The following PCDH7 variants were observed in gnomAD, a reference collection of about 807,000 sequenced individuals.
PCDH7 encodes the protein protocadherin 7, also known as protocadherin-7.
A neutral mutation model predicts 58.9 loss-of-function variants in PCDH7; 17 were observed. The observed-to-expected ratio is 0.29, with a 90% CI of 0.20 to 0.43. The LOEUF (loss-of-function observed/expected upper bound fraction) is 0.43. PCDH7 is among the 20% of genes least tolerant of loss of function. PCDH7 has a pLI of 1.00. For missense variants in PCDH7, 1,274 were observed against 1,441.0 expected (o/e 0.88, Z 1.88); for synonymous variants, 664 against 616.4 (o/e 1.08, Z -1.14).
exon 2 of PCDH7, chr4:30,731,607 G>T (rs1715516141): frequency 6.6e-6 from 1 of 152,014 alleles, no homozygotes; most frequent in Non-Finnish European, 1.5e-5. Context: ...GAAGGAATAT[G>T]TGGCTTTCTG....
In PCDH7 at chr4:30,721,399, C is replaced by T; in HGVS notation, c.-24C>T. 1.4e-6 allele frequency: 2 copies of T among 1,468,622 alleles called. No individual in the cohort carries two copies. The highest frequency in any genetic ancestry group is 1.8e-6 in the Non-Finnish European group (2 of 1,111,790). The allele number at this position is 1,468,622 out of a possible 1,614,324, so 91.0% of individuals were successfully genotyped here. A position where few individuals can be genotyped will look rare whatever the true frequency, so the allele number is the denominator to read the frequency against. On this transcript the variant is annotated 5_prime_UTR_variant, in exon 1 of 2. Coordinates refer to ENST00000361762, the Ensembl canonical transcript of PCDH7. This position sits in a 1 kb window ranked among gnomAD's most constrained non-coding sequence, Gnocchi z 6.7. ...CCGAGGGGGCTGTGGTTAGAAGGAG[C>T]AGTAGCAGCAGCAGCAGGAGAAGAT...
At chr4:30,773,788 G>A (rs779666486) in intron 1 of PCDH7, among the ~76,000 whole-genome samples, 2 of 152,028 alleles carry the variant, frequency 1.3e-5, no homozygotes, top group Non-Finnish European at 2.9e-5. Context: ...TTCTATTCTG[G>A]GAGGGATTCC....
chr4:30,851,495 G>T (rs1388071934), intron 1 of PCDH7, among the ~76,000 whole-genome samples: 2 of 151,972 alleles, frequency 1.3e-5, no homozygotes, highest in East Asian at 3.9e-4. Flanking sequence ...CTGACTTAGT[G>T]TCAAGCAGGA....
chr4:30,980,679 T>C (rs1750475739), intron 3 of PCDH7, among the ~76,000 whole-genome samples: 1 of 152,224 alleles, frequency 6.6e-6, no homozygotes, highest in Non-Finnish European at 1.5e-5. Context: ...CAAAGGCCTC[T>C]AATATCTACA....
At chr4:30,964,556 T>C (rs1469220071) in intron 3 of PCDH7, among the ~76,000 whole-genome samples, 1 of 151,902 alleles carries the variant, frequency 6.6e-6, no homozygotes, top group Non-Finnish European at 1.5e-5. Context: ...GTTTTATTTA[T>C]TTGGGGACTT....
At chr4:30,785,372 C>A (rs1278432265) in intron 1 of PCDH7, among the ~76,000 whole-genome samples, 1 of 151,944 alleles carries the variant, frequency 6.6e-6, no homozygotes, top group Non-Finnish European at 1.5e-5. Context: ...CTGAAACTTA[C>A]AATTTAAATC....
At position 30,723,309 on chromosome 4, in the gene PCDH7, G is replaced by A. The variant is rs775478303; in HGVS notation, c.1887G>A (p.Val629=). ...GCAGCACTACGGTGATTGTGCAGGT[G>A]GCTGATAAAAATGACAATGACCCTA... The change falls in exon 1 of 2, where the codon GTG becomes GTA. Residue 629 remains valine (V), a synonymous_variant. Transcript: ENST00000361762. This position sits in a 1 kb window ranked among gnomAD's most constrained non-coding sequence, Gnocchi z 4.6. 1.2e-6 allele frequency: 2 copies of A among 1,614,210 alleles called. No homozygotes were observed. Among genetic ancestry groups the A allele is most frequent in the Non-Finnish European group, 8.5e-7 (1 of 1,180,040 alleles).
At chr4:30,944,008 A>T (rs1746373732) in intron 2 of PCDH7, among the ~76,000 whole-genome samples, 1 of 151,796 alleles carries the variant, frequency 6.6e-6, no homozygotes, top group Non-Finnish European at 1.5e-5. Flanking sequence ...CAGGATTATT[A>T]TTTTTTTTAT....
At chr4:30,735,483 G>A (rs779708205), downstream of PCDH7, among the ~76,000 whole-genome samples, 7 of 152,118 alleles carry the variant, frequency 4.6e-5, no homozygotes, top group Non-Finnish European at 7.3e-5. Flanking sequence ...CAGAATTTTC[G>A]AAGGACTCCT....
chr4:31,036,446 C>T (rs1560593154), intron 3 of PCDH7, among the ~76,000 whole-genome samples: 2 of 152,208 alleles, frequency 1.3e-5, no homozygotes, highest in East Asian at 3.9e-4. Flanking sequence ...ACTCGGCCTC[C>T]CACAGTGCTG....
chr4:31,021,855 A>T (rs1290237124), intron 3 of PCDH7, among the ~76,000 whole-genome samples: 2 of 152,186 alleles, frequency 1.3e-5, no homozygotes, highest in Non-Finnish European at 2.9e-5. Context: ...GACAGAAGAA[A>T]ATTCACTGAG....
chr4:30,862,399 C>A (rs1419417532), intron 1 of PCDH7, among the ~76,000 whole-genome samples: 1 of 152,158 alleles, frequency 6.6e-6, no homozygotes, highest in Non-Finnish European at 1.5e-5. Flanking sequence ...TAGCTGTCTA[C>A]ATCCACAATG....
intron 2 of PCDH7, among the ~76,000 whole-genome samples, chr4:30,942,569 G>A (rs1414254685): frequency 6.6e-6 from 1 of 151,960 alleles, no homozygotes; most frequent in Admixed American, 6.6e-5. Flanking sequence ...ATCAAAGATG[G>A]CATGATGATG....
intron 1 of PCDH7, among the ~76,000 whole-genome samples, chr4:30,782,281 A>G (rs1250809808): frequency 6.6e-6 from 1 of 152,136 alleles, no homozygotes; most frequent in African/African-American, 2.4e-5. Context: ...TTTTAAAAAG[A>G]TTTGAACTTG....
At chr4:31,074,105 A>C (rs1758778487) in intron 3 of PCDH7, among the ~76,000 whole-genome samples, 1 of 151,794 alleles carries the variant, frequency 6.6e-6, no homozygotes, top group Non-Finnish European at 1.5e-5. Flanking sequence ...GTGTCACCAC[A>C]CTATCTGTTC....
At chr4:30,963,909 A>C (rs1156377209) in intron 3 of PCDH7, among the ~76,000 whole-genome samples, 1 of 152,200 alleles carries the variant, frequency 6.6e-6, no homozygotes, top group Non-Finnish European at 1.5e-5. Flanking sequence ...ATATTTTTAC[A>C]TGGATGAACC....
At position 30,790,011 on chromosome 4, in the gene PCDH7, C is replaced by T. The variant is rs148987791; in HGVS notation, c.70+65415C>T. Among the ~76,000 whole-genome samples, 19 of 152,262 alleles carry T rather than the reference C, an allele frequency of 1.2e-4. No individual in the cohort carries two copies. In the East Asian group the frequency reaches 3.5e-3, roughly 28 times the overall value. On this transcript the variant is annotated intron_variant, in intron 1 of 3. Transcript: ENST00000509759. The stretch of plus-strand genomic sequence containing the variant: ...CCAACTGAAAACTTATGTGCAGAAT[C>T]CATCATTAGATTTGGACTCGCATGA...
chr4:30,806,971 A>G (rs112317847), intron 1 of PCDH7, among the ~76,000 whole-genome samples: 28 of 152,262 alleles, frequency 1.8e-4, no homozygotes, highest in African/African-American at 6.0e-4. Context: ...GTATTTCACT[A>G]TTAGACAGTA....
At chr4:30,940,203 A>C (rs1745858874) in intron 2 of PCDH7, among the ~76,000 whole-genome samples, 1 of 152,014 alleles carries the variant, frequency 6.6e-6, no homozygotes, top group Non-Finnish European at 1.5e-5. Flanking sequence ...ATTAGGTTTT[A>C]AAAAGTATTG....
Sources: gnomAD v4.1 joint callset for allele counts (sites outside exome capture counted in the v4.1 genomes callset) on GRCh38, gnomAD v4.1.1 for gene constraint, Gnocchi (gnomAD v3.1) non-coding constraint, MANE v1.5 for transcripts, NCBI Gene and HGNC (gene_info 2026-07-23, HGNC 2026-07-21) for gene names.